The following ATF7 variants were observed in gnomAD, a reference collection of about 807,000 sequenced individuals.
The protein encoded by ATF7 is activating transcription factor 7, also known as cyclic AMP-dependent transcription factor ATF-7.
Under a neutral mutation model 50.4 loss-of-function variants are expected in ATF7, and 10 were observed. The ratio of observed to expected loss-of-function variants is 0.20; its 90% confidence interval spans 0.12 to 0.34. ATF7 has a LOEUF of 0.34. Ranked by LOEUF, ATF7 falls within the 10% of genes least tolerant of loss-of-function variation. ATF7 has a pLI of 1.00. For missense variants in ATF7, 465 were observed against 613.9 expected (o/e 0.76, Z 2.56); for synonymous variants, 201 against 226.4 (o/e 0.89, Z 1.01).
At chr12:53,571,510 T>A (rs1297858341) in intron 2 of ATF7, among the ~76,000 whole-genome samples, 2 of 151,750 alleles carry the variant, frequency 1.3e-5, no homozygotes, top group African/African-American at 2.4e-5. Context: ...AGCATTTTTT[T>A]AAAAGGGAAA....
intron 2 of ATF7, among the ~76,000 whole-genome samples, chr12:53,583,275 C>T (rs1942523049): frequency 6.6e-6 from 1 of 152,136 alleles, no homozygotes; most frequent in South Asian, 2.1e-4. Context: ...TCAGATCAGT[C>T]GCAGCATTAG....
At chr12:53,558,267 TAGAGGC>T (rs2137543401) in intron 2 of ATF7, among the ~76,000 whole-genome samples, 1 of 152,322 alleles carries the variant, frequency 6.6e-6, no homozygotes, top group Non-Finnish European at 1.5e-5. Flanking sequence ...CTCTAGAAGG[TAGAGGC>T]CTGAGATGCT....
At chr12:53,570,766 T>C (rs1241750237) in intron 2 of ATF7, among the ~76,000 whole-genome samples, 1 of 151,394 alleles carries the variant, frequency 6.6e-6, no homozygotes, top group Non-Finnish European at 1.5e-5. Context: ...TGTGTGTGTG[T>C]GTGTGTGTGT....
At position 53,608,291 on chromosome 12, in the gene ATF7, TA is replaced by T. The variant is rs1342248616; in HGVS notation, c.-21-7271del. On this transcript the variant is annotated intron_variant, in intron 1 of 11. Coordinates refer to ENST00000420353, the MANE Select transcript of ATF7 (RefSeq NM_006856.3). ...TCCATATCTGCCTATTCTAAAGCAC[TA>T]AACAGTATATTTAAAAATTATACAA... Among the ~76,000 whole-genome samples the T allele has an allele frequency of 2.0e-5, 3 of 149,898 alleles. No individual in the cohort carries two copies. The East Asian group carries it at 5.8e-4, about 29-fold the overall frequency.
At position 53,608,015 on chromosome 12, in the gene ATF7, C is replaced by T. The variant is rs1288813609; in HGVS notation, c.-21-6994G>A. Among the ~76,000 whole-genome samples, 5 of 152,030 alleles carry T rather than the reference C, an allele frequency of 3.3e-5. No individual in the cohort carries two copies. In the South Asian group the frequency reaches 8.3e-4, roughly 25 times the overall value. On this transcript the variant is annotated intron_variant, in intron 1 of 11. Coordinates refer to ENST00000420353, the MANE Select transcript of ATF7 (RefSeq NM_006856.3). ...CGGGCAGATCACGAGGTCAAGAGAT[C>T]GAGACCATCCTGGCCAACACGGTGA...
chr12:53,574,113 G>T (rs1407844823), intron 2 of ATF7, among the ~76,000 whole-genome samples: 2 of 152,134 alleles, frequency 1.3e-5, no homozygotes, highest in African/African-American at 4.8e-5. Context: ...ATAAGCACCA[G>T]AACCAGTGAG....
intron 1 of ATF7, among the ~76,000 whole-genome samples, chr12:53,618,529 C>T (rs1425947628): frequency 6.6e-6 from 1 of 152,168 alleles, no homozygotes; most frequent in African/African-American, 2.4e-5. Context: ...ATAAATTCAA[C>T]TGTCAGGTCT....
At chr12:53,597,524 T>G (rs778328631) in intron 2 of ATF7, among the ~76,000 whole-genome samples, 2 of 152,068 alleles carry the variant, frequency 1.3e-5, no homozygotes, top group Non-Finnish European at 2.9e-5. Context: ...TTTTAAGAAA[T>G]AGTAGCCAGG....
At chr12:53,610,520 A>C (rs1339391316) in intron 1 of ATF7, among the ~76,000 whole-genome samples, 1 of 150,054 alleles carries the variant, frequency 6.7e-6, no homozygotes, top group Non-Finnish European at 1.5e-5. Flanking sequence ...AGCTGAGATC[A>C]CACCACTGCA....
rs1944212310 is a variant in ATF7, at chr12:53,513,986, T to C, written c.*3151A>G. 6.6e-6 allele frequency: 1 copy of C among 152,164 alleles called. No homozygotes were observed. Among genetic ancestry groups the C allele is most frequent in the Non-Finnish European group, 1.5e-5 (1 of 68,042 alleles). 9.4% of individuals were successfully genotyped at this position (152,164 alleles called of 1,614,324 possible). ...TACTTAGAGTACATGGTCTAATGCT[T>C]AGGGCCAAGGAGGGAGGTGAAGGCT... On this transcript the variant is annotated 3_prime_UTR_variant, in exon 12 of 12. Coordinates refer to ENST00000420353, the MANE Select transcript of ATF7 (RefSeq NM_006856.3).
intron 2 of ATF7, among the ~76,000 whole-genome samples, chr12:53,587,245 T>C (rs1942724682): frequency 6.6e-6 from 1 of 151,430 alleles, no homozygotes; most frequent in Non-Finnish European, 1.5e-5. Flanking sequence ...TGCACATCTG[T>C]AGTCCCAGCT....
chr12:53,531,637 C>T (rs1938897035), intron 9 of ATF7, 107 bp downstream of exon 9: 1 of 1,263,576 alleles, frequency 7.9e-7, no homozygotes, highest in Non-Finnish European at 1.0e-6. Flanking sequence ...CAGGAAGAAA[C>T]CCAGAAAGCT....
At chr12:53,567,709 G>T (rs1247957) in intron 2 of ATF7, among the ~76,000 whole-genome samples, 56,829 of 152,084 alleles carry the variant, frequency 0.37, 13,336 homozygotes, top group Non-Finnish European at 0.52. Context: ...TTTCTCCACA[G>T]CTCTTGCCTA....
At chr12:53,517,721 C>G (rs1937799813) in intron 11 of ATF7, 1 of 227,124 alleles carries the variant, frequency 4.4e-6, no homozygotes, top group African/African-American at 2.2e-5. Flanking sequence ...GATCCTCCTG[C>G]CTTGGCCTCT....
chr12:53,599,571 A>G (rs941252880), intron 2 of ATF7, among the ~76,000 whole-genome samples: 1 of 152,128 alleles, frequency 6.6e-6, no homozygotes, highest in African/African-American at 2.4e-5. Context: ...CAAATACTGC[A>G]GAATATGATG....
intron 1 of ATF7, among the ~76,000 whole-genome samples, chr12:53,608,894 A>G (rs1943726063): frequency 6.6e-6 from 1 of 152,194 alleles, no homozygotes; most frequent in African/African-American, 2.4e-5. Flanking sequence ...TAGCAAAGTG[A>G]CTTAAGATTC....
chr12:53,598,289 A>G (rs1367008660), intron 2 of ATF7, among the ~76,000 whole-genome samples: 2 of 152,228 alleles, frequency 1.3e-5, no homozygotes, highest in Admixed American at 1.3e-4. Flanking sequence ...ACCTGACCAT[A>G]AAGTTTTGAC....
chr12:53,590,313 G>A (rs1387660105), intron 2 of ATF7, among the ~76,000 whole-genome samples: 36 of 152,168 alleles, frequency 2.4e-4, no homozygotes, highest in African/African-American at 2.4e-5. Flanking sequence ...CAAGAACTTA[G>A]TAATTTACAT....
intron 2 of ATF7, among the ~76,000 whole-genome samples, chr12:53,585,004 ACT>A (rs947228841): frequency 6.6e-6 from 1 of 151,930 alleles, no homozygotes; most frequent in African/African-American, 2.4e-5. Context: ...ACAGGAGTTC[ACT>A]CTGTTGCCCA....
Sources: allele counts gnomAD v4.1 joint callset (sites outside exome capture counted in the v4.1 genomes callset), GRCh38; gene constraint gnomAD v4.1.1; transcripts MANE v1.5; gene names NCBI Gene and HGNC (gene_info 2026-07-23, HGNC 2026-07-21).